The following RAMP1 variants were observed in gnomAD, a reference collection of about 807,000 sequenced individuals.
The protein encoded by RAMP1 is receptor activity modifying protein 1, also known as receptor activity-modifying protein 1.
In RAMP1, 7 loss-of-function variants were observed where a neutral mutation model predicts 8.2. That is an observed-to-expected ratio of 0.85 (90% CI 0.49 to 1.60). RAMP1 has a LOEUF of 1.60. Ranked by LOEUF, RAMP1 falls within the 40% of genes most tolerant of loss-of-function variation. The pLI, the probability that RAMP1 is intolerant of heterozygous loss-of-function variation, is 0.00. For missense variants in RAMP1, 192 were observed against 202.4 expected, an observed-to-expected ratio of 0.95 and a Z score of 0.31; for synonymous variants, 92 against 84.7, an observed-to-expected ratio of 1.09 and a Z score of -0.47.
At chr2:237,892,279 T>TC (rs200763736) in intron 2 of RAMP1, among the ~76,000 whole-genome samples, 1,823 of 140,642 alleles carry the variant, frequency 0.013, 12 homozygotes, top group African/African-American at 0.017. Context: ...TTTCTTTCTT[T>TC]TTTTTTTTTT....
intron 2 of RAMP1, among the ~76,000 whole-genome samples, chr2:237,889,089 T>G (rs2062464075): frequency 6.6e-6 from 1 of 152,232 alleles, no homozygotes; most frequent in African/African-American, 2.4e-5. Context: ...AATATATATA[T>G]TAACTATTTG....
chr2:237,882,762 G>A (rs189525202), intron 2 of RAMP1, among the ~76,000 whole-genome samples: 20 of 151,286 alleles, frequency 1.3e-4, no homozygotes, highest in African/African-American at 3.9e-4. Flanking sequence ...GGGGAAGAGG[G>A]CCCTGGAGAG....
intron 2 of RAMP1, among the ~76,000 whole-genome samples, chr2:237,881,356 T>C (rs950922056): frequency 6.6e-6 from 1 of 152,206 alleles, no homozygotes; most frequent in Non-Finnish European, 1.5e-5. Flanking sequence ...TTGTGGCCAG[T>C]ATTTTCCCAT....
At chr2:237,908,381 C>T (rs1024441131) in intron 2 of RAMP1, among the ~76,000 whole-genome samples, 1 of 136,522 alleles carries the variant, frequency 7.3e-6, no homozygotes, top group African/African-American at 2.6e-5. Flanking sequence ...GTGTGACTGT[C>T]CTGTCCCTTC....
chr2:237,877,280 C>T lies in RAMP1; in HGVS notation c.109C>T (p.Arg37Trp), dbSNP rs781748441. The change falls in exon 2 of 3, where the codon CGG (arginine) becomes TGG (tryptophan). Residue 37 changes from arginine (R) to tryptophan (W), a missense_variant. By Grantham distance (101) the Arg-to-Trp change is moderately radical. Coordinates refer to ENST00000254661, the MANE Select transcript of RAMP1 (RefSeq NM_005855.4). The surrounding 1 kb of genome is among the most constrained non-coding windows in gnomAD (Gnocchi z 4.4). ...GGAGGCTAACTACGGTGCCCTCCTC[C>T]GGGAGCTCTGCCTCACCCAGTTCCA... is the stretch of plus-strand genomic sequence containing the variant. ...CQEANYGALLRELCLTQFQVD... is the reference protein window; with the variant it reads ...CQEANYGALLWELCLTQFQVD... 30 of 1,614,064 alleles carry T rather than the reference C, an allele frequency of 1.9e-5. No homozygotes were observed. Among genetic ancestry groups the T allele is most frequent in the South Asian group, 3.3e-5 (3 of 91,088 alleles).
intron 1 of RAMP1, among the ~76,000 whole-genome samples, chr2:237,860,935 G>A (rs1271436798): frequency 2.6e-5 from 4 of 152,266 alleles, no homozygotes; most frequent in African/African-American, 7.2e-5. Flanking sequence ...ATCTGAAAGC[G>A]GATCTTGCCA....
chr2:237,898,358 A>C (rs1461098784), intron 2 of RAMP1, among the ~76,000 whole-genome samples: 1 of 152,176 alleles, frequency 6.6e-6, no homozygotes, highest in African/African-American at 2.4e-5. Flanking sequence ...TAGGACTTCT[A>C]ATGCTTGGCC....
intron 2 of RAMP1, among the ~76,000 whole-genome samples, chr2:237,908,541 G>A (rs891273824): frequency 2.0e-5 from 3 of 152,034 alleles, no homozygotes; most frequent in Admixed American, 1.3e-4. Flanking sequence ...GGGTTCAAGC[G>A]ATTCTCTTGC....
At chr2:237,902,426 G>C (rs1409738771) in intron 2 of RAMP1, among the ~76,000 whole-genome samples, 1 of 151,660 alleles carries the variant, frequency 6.6e-6, no homozygotes, top group African/African-American at 2.4e-5. Flanking sequence ...GGAGATGGAG[G>C]AGGGAACAGG....
intron 2 of RAMP1, among the ~76,000 whole-genome samples, chr2:237,894,340 TC>T (rs1449590005): frequency 6.6e-6 from 1 of 152,226 alleles, no homozygotes; most frequent in Admixed American, 6.5e-5. Flanking sequence ...GTTTCCTTTA[TC>T]CCCAAGCCTA....
intron 2 of RAMP1, among the ~76,000 whole-genome samples, chr2:237,906,717 CTTTTTTTTTTT>C (rs71402734): frequency 1.2e-5 from 1 of 86,212 alleles, no homozygotes; most frequent in Non-Finnish European, 2.1e-5. Context: ...ATATCAACCT[CTTTTTTTTTTT>C]TTTTTTTTTT....
intron 2 of RAMP1, among the ~76,000 whole-genome samples, chr2:237,899,263 G>A (rs1182294298): frequency 1.3e-5 from 2 of 152,118 alleles, no homozygotes; most frequent in South Asian, 2.1e-4. Context: ...TAGAGATGGG[G>A]TTTCACCGTG....
chr2:237,873,894 C>G (rs573073626), intron 1 of RAMP1, among the ~76,000 whole-genome samples: 2 of 152,374 alleles, frequency 1.3e-5, no homozygotes, highest in South Asian at 4.1e-4. Flanking sequence ...TTTGCCTGAA[C>G]AGCTGCCCCT....
intron 2 of RAMP1, among the ~76,000 whole-genome samples, chr2:237,905,155 G>A (rs1429834523): frequency 2.0e-5 from 3 of 152,188 alleles, no homozygotes; most frequent in African/African-American, 4.8e-5. Context: ...TCAGTGACAC[G>A]AGAACTGAAA....
chr2:237,865,301 A>G lies in RAMP1; in HGVS notation c.52+5574A>G, dbSNP rs111422390. 0.033 allele frequency among the ~76,000 whole-genome samples: 2,097 copies of G among 64,468 alleles called. 81 individuals are homozygous for G. Among genetic ancestry groups the G allele is most frequent in the African/African-American group, 0.11 (1,970 of 17,252 alleles). 42.3% of individuals were successfully genotyped at this position (64,468 alleles called of 152,430 possible). A position where few individuals can be genotyped will look rare whatever the true frequency, so the allele number is the denominator to read the frequency against. On this transcript the variant is annotated intron_variant, in intron 1 of 2. Coordinates refer to ENST00000254661, the MANE Select transcript of RAMP1 (RefSeq NM_005855.4). The surrounding 1 kb of genome is among the most constrained non-coding windows in gnomAD (Gnocchi z 4.2). Reference sequence around the variant, plus strand: ...GGGAGGGGAGAGCAGGGGAGAGGAGAGGAGGGGAGGGCAGGGGAGAAGAGA... The same window carrying G: ...GGGAGGGGAGAGCAGGGGAGAGGAGGGGAGGGGAGGGCAGGGGAGAAGAGA...
At position 237,867,774 on chromosome 2, in the gene RAMP1, C is replaced by T. The variant is rs1235386187; in HGVS notation, c.52+8047C>T. 4.6e-5 allele frequency among the ~76,000 whole-genome samples: 7 copies of T among 152,146 alleles called. No homozygotes were observed. In the East Asian group the frequency reaches 7.7e-4, roughly 17 times the overall value. ...CCACTGTTTGTTCTGAGTGTGGCTT[C>T]GTTCTTCCTGAGTGAGCTTGCTCTG... On this transcript the variant is annotated intron_variant, in intron 1 of 2. Coordinates refer to ENST00000254661, the MANE Select transcript of RAMP1 (RefSeq NM_005855.4).
At chr2:237,889,267 C>T (rs897322488) in intron 2 of RAMP1, among the ~76,000 whole-genome samples, 3 of 152,198 alleles carry the variant, frequency 2.0e-5, no homozygotes, top group Admixed American at 6.5e-5. Flanking sequence ...CAGACTCTGT[C>T]GTCTCAATTG....
chr2:237,879,716 A>G (rs1211849601), intron 2 of RAMP1, among the ~76,000 whole-genome samples: 2 of 147,650 alleles, frequency 1.4e-5, no homozygotes, highest in Non-Finnish European at 3.0e-5. Flanking sequence ...CTGACCGGGC[A>G]CTGTGGCTCA....
At chr2:237,910,626 G>A (rs1157234642) in intron 2 of RAMP1, among the ~76,000 whole-genome samples, 11 of 149,178 alleles carry the variant, frequency 7.4e-5, no homozygotes, top group Non-Finnish European at 1.3e-4. Flanking sequence ...CAGAATAACA[G>A]TCACACAGAA....
Sources: gnomAD v4.1 joint callset for allele counts (sites outside exome capture counted in the v4.1 genomes callset) on GRCh38, gnomAD v4.1.1 for gene constraint, Gnocchi (gnomAD v3.1) non-coding constraint, MANE v1.5 for transcripts, NCBI Gene and HGNC (gene_info 2026-07-23, HGNC 2026-07-21) for gene names.